LHFPL6: variants seen among roughly 807,000 people sequenced by gnomAD.
The protein encoded by LHFPL6 is LHFPL tetraspan subfamily member 6, also known as LHFPL tetraspan subfamily member 6 protein.
LHFPL6 carries 9 observed loss-of-function variants against 20.6 expected under a neutral mutation model. The ratio of observed to expected loss-of-function variants is 0.44; its 90% CI spans 0.26 to 0.76. The LOEUF is 0.76. LHFPL6 is among the 30% of genes least tolerant of loss of function. LHFPL6 has a pLI of 0.20. For missense variants in LHFPL6, 218 were observed against 253.5 expected (o/e 0.86, Z 0.95); for synonymous variants, 105 against 98.7 (o/e 1.06, Z -0.38).
At chr13:39,413,598 T>C (rs186472195) in intron 2 of LHFPL6, among the ~76,000 whole-genome samples, 1 of 31,978 alleles carries the variant, frequency 3.1e-5, no homozygotes, top group African/African-American at 5.2e-5. Flanking sequence ...TTTTTTTTTT[T>C]TTTCTTTAAG....
At chr13:39,560,435 T>C (rs955030167) in intron 2 of LHFPL6, among the ~76,000 whole-genome samples, 9 of 152,042 alleles carry the variant, frequency 5.9e-5, no homozygotes, top group Non-Finnish European at 1.0e-4. Flanking sequence ...ACTACAGTCT[T>C]ACTCCTTTGC....
intron 2 of LHFPL6, among the ~76,000 whole-genome samples, chr13:39,396,086 T>C (rs1026253433): frequency 1.3e-5 from 2 of 152,158 alleles, no homozygotes; most frequent in African/African-American, 2.4e-5. Context: ...CTTTTTCTGC[T>C]GTGACCCTTG....
chr13:39,568,101 A>G (rs1871785358), intron 2 of LHFPL6, among the ~76,000 whole-genome samples: 1 of 152,230 alleles, frequency 6.6e-6, no homozygotes, highest in Non-Finnish European at 1.5e-5. Context: ...AATACCATAG[A>G]AACCAAACAT....
chr13:39,486,798 T>G (rs576192576), intron 2 of LHFPL6, among the ~76,000 whole-genome samples: 1 of 152,360 alleles, frequency 6.6e-6, no homozygotes, highest in South Asian at 2.1e-4. Context: ...AGTTCCTTGC[T>G]GGATTACTCT....
chr13:39,360,399 A>G (rs2138344490), intron 3 of LHFPL6, among the ~76,000 whole-genome samples: 1 of 97,690 alleles, frequency 1.0e-5, no homozygotes, highest in Middle Eastern at 4.9e-3. Context: ...TAAAATGCAG[A>G]TGTGTTCATC....
chr13:39,425,662 T>A (rs750505808), intron 2 of LHFPL6, among the ~76,000 whole-genome samples: 1 of 152,226 alleles, frequency 6.6e-6, no homozygotes, highest in Non-Finnish European at 1.5e-5. Context: ...TTATTTGCTG[T>A]CCATATATTG....
intron 2 of LHFPL6, among the ~76,000 whole-genome samples, chr13:39,560,399 G>T (rs1253008478): frequency 6.6e-6 from 1 of 151,508 alleles, no homozygotes; most frequent in East Asian, 1.9e-4. Context: ...TCCCAAGCCT[G>T]TGGAAGTCTA....
At chr13:39,502,516 G>A (rs1869327550) in intron 2 of LHFPL6, among the ~76,000 whole-genome samples, 1 of 151,566 alleles carries the variant, frequency 6.6e-6, no homozygotes, top group Admixed American at 6.6e-5. Flanking sequence ...AGCTACTCAG[G>A]AGGCTGAGGT....
chr13:39,364,830 C>G (rs1264881227), intron 3 of LHFPL6, among the ~76,000 whole-genome samples: 1 of 152,152 alleles, frequency 6.6e-6, no homozygotes, highest in East Asian at 1.9e-4. Flanking sequence ...TACCCTTTGT[C>G]TTGTCTGGCC....
chr13:39,464,039 C>T (rs1441871006), intron 2 of LHFPL6, among the ~76,000 whole-genome samples: 1 of 152,140 alleles, frequency 6.6e-6, no homozygotes, highest in African/African-American at 2.4e-5. Flanking sequence ...ATACATTCTA[C>T]ATAAGTAAAA....
chr13:39,601,003 C>T lies in LHFPL6; in HGVS notation c.214G>A (p.Ala72Thr), dbSNP rs146963827. Residue 72 changes from alanine (A) to threonine (T), a missense_variant, in exon 2 of 4, where the codon GCC becomes ACC. Ala to Thr is a moderately conservative substitution (Grantham distance 58). Transcript: ENST00000379589. Reference sequence around the variant, plus strand: ...GCGCTGGGGATGCCCTGGAAGGAGGCATAGCGCCCACATTCCTCCACCATC... The same window carrying T: ...GCGCTGGGGATGCCCTGGAAGGAGGTATAGCGCCCACATTCCTCCACCATC... Reference protein sequence around the residue: ...MVMVEECGRYASFQGIPSAEW... With the variant: ...MVMVEECGRYTSFQGIPSAEW... The T allele has an allele frequency of 1.7e-5, 27 of 1,613,966 alleles. No homozygotes were observed. Among genetic ancestry groups the T allele is most frequent in the Non-Finnish European group, 2.0e-5 (24 of 1,179,964 alleles).
At chr13:39,541,771 C>G (rs147186274) in intron 2 of LHFPL6, among the ~76,000 whole-genome samples, 9 of 152,052 alleles carry the variant, frequency 5.9e-5, no homozygotes, top group Admixed American at 6.6e-5. Flanking sequence ...TTGCCTGACA[C>G]GTAGCAGAAT....
At chr13:39,564,002 C>T (rs4943677) in intron 2 of LHFPL6, among the ~76,000 whole-genome samples, 151,994 of 152,238 alleles carry the variant, frequency 1, 75,876 homozygotes, top group Middle Eastern at 1. Context: ...CCCCGTATCA[C>T]GTTGAGCCCA....
At chr13:39,582,702 T>C (rs1326863117) in intron 2 of LHFPL6, among the ~76,000 whole-genome samples, 1 of 152,218 alleles carries the variant, frequency 6.6e-6, no homozygotes, top group African/African-American at 2.4e-5. Context: ...CCTTGTTCCA[T>C]AGCTTACCCA....
At chr13:39,557,667 G>A (rs1593362250) in intron 2 of LHFPL6, among the ~76,000 whole-genome samples, 1 of 152,222 alleles carries the variant, frequency 6.6e-6, no homozygotes, top group East Asian at 1.9e-4. Context: ...ATATTGTTTG[G>A]ATATCTGACC....
chr13:39,444,413 G>GC (rs1049900475), intron 2 of LHFPL6, among the ~76,000 whole-genome samples: 3 of 152,134 alleles, frequency 2.0e-5, no homozygotes, highest in African/African-American at 7.2e-5. Flanking sequence ...ATAGAAGGAA[G>GC]CCAGGTTCTA....
chr13:39,524,783 C>A (rs1870236114), intron 2 of LHFPL6, among the ~76,000 whole-genome samples: 2 of 152,262 alleles, frequency 1.3e-5, no homozygotes, highest in East Asian at 3.9e-4. Context: ...GGGAGATGGA[C>A]TTTAACAAAA....
chr13:39,478,433 T>C (rs17060042), intron 2 of LHFPL6, among the ~76,000 whole-genome samples: 6,278 of 152,198 alleles, frequency 0.041, 405 homozygotes, highest in African/African-American at 0.14. Flanking sequence ...AGTTTGCATA[T>C]TGATAGCACA....
At chr13:39,580,056 T>C (rs765846199) in intron 2 of LHFPL6, among the ~76,000 whole-genome samples, 2 of 152,216 alleles carry the variant, frequency 1.3e-5, no homozygotes, top group Non-Finnish European at 2.9e-5. Context: ...GCAGCTGGCA[T>C]TAGTTGACTT....
Sources: gnomAD v4.1 joint callset for allele counts (sites outside exome capture counted in the v4.1 genomes callset) on GRCh38, gnomAD v4.1.1 for gene constraint, MANE v1.5 for transcripts, NCBI Gene and HGNC (gene_info 2026-07-23, HGNC 2026-07-21) for gene names.